PDE3B: variants seen among roughly 807,000 people sequenced by gnomAD.
PDE3B encodes cGMP-inhibited 3',5'-cyclic phosphodiesterase 3B.
Under a neutral mutation model 116.8 loss-of-function variants are expected in PDE3B, and 66 were observed. That is an observed-to-expected ratio of 0.56 (90% confidence interval 0.46 to 0.69). The LOEUF (loss-of-function observed/expected upper bound fraction) is 0.69. PDE3B is among the 30% of genes least tolerant of loss of function. The pLI, the probability that PDE3B is intolerant of heterozygous loss-of-function variation, is 0.00. For missense variants in PDE3B, 1,384 were observed against 1,368.1 expected, an observed-to-expected ratio of 1.01 and a Z score of -0.18; for synonymous variants, 595 against 533.6, an observed-to-expected ratio of 1.12 and a Z score of -1.59.
chr11:14,723,834 G>A (rs1297683665), intron 1 of PDE3B, among the ~76,000 whole-genome samples: 1 of 152,048 alleles, frequency 6.6e-6, no homozygotes, highest in Non-Finnish European at 1.5e-5. Flanking sequence ...CAAACTGAAA[G>A]AAGGGCAACA....
In PDE3B at chr11:14,861,241, A is replaced by G; in HGVS notation, c.2761A>G (p.Asn921Asp). ...DVNSNGIEWS[N>D]ENDRLLVCQV... is the part of the protein sequence containing the mutation. ...AAATAGTAATGGCATAGAATGGAGT[A>G]ATGAAAATGATCGCCTCTTGGTATG... Residue 921 changes from asparagine (N) to aspartate (D), a missense_variant, in exon 14 of 16, where the codon AAT becomes GAT. Asn to Asp is a conservative substitution (Grantham distance 23). Around this residue, in one of 2 missense-constraint regions of PDE3B, gnomAD observed 428 missense variants for 561.4 expected, o/e 0.76. Coordinates refer to ENST00000282096, the MANE Select transcript of PDE3B (RefSeq NM_000922.4). The G allele has an allele frequency of 6.2e-7, 1 of 1,613,640 alleles. No individual in the cohort carries two copies. Among genetic ancestry groups the G allele is most frequent in the Non-Finnish European group, 8.5e-7 (1 of 1,179,570 alleles).
At chr11:14,705,714 GT>G (rs1174190825) in intron 1 of PDE3B, among the ~76,000 whole-genome samples, 4 of 151,794 alleles carry the variant, frequency 2.6e-5, no homozygotes, top group Non-Finnish European at 5.9e-5. Context: ...TCAAATCCAT[GT>G]TAGTGGTTAA....
At chr11:14,780,394 A>C (rs1179593243) in intron 2 of PDE3B, among the ~76,000 whole-genome samples, 2 of 152,208 alleles carry the variant, frequency 1.3e-5, no homozygotes, top group African/African-American at 4.8e-5. Context: ...ACTTATTCCA[A>C]AATTGACCAC....
intron 2 of PDE3B, among the ~76,000 whole-genome samples, chr11:14,783,278 T>C (rs1858084105): frequency 1.3e-5 from 2 of 152,232 alleles, no homozygotes; most frequent in African/African-American, 4.8e-5. Context: ...CAAAGGATGA[T>C]AAATCATGCT....
Position 14,716,073 on chromosome 11 carries a change from C to A in PDE3B, c.979-55864C>A, listed in dbSNP as rs557509531. On this transcript the variant is annotated intron_variant, in intron 1 of 15. Transcript: ENST00000282096. ...GGCCAGTGGGTGTGCGCACCGTGCG[C>A]GAGCCGAAGCAGGGCGAGGCATTGC... Among the ~76,000 whole-genome samples, 86 of 152,142 alleles carry A rather than the reference C, an allele frequency of 5.7e-4. No homozygotes were observed. In the East Asian group the frequency reaches 0.012, roughly 21 times the overall value.
intron 7 of PDE3B, among the ~76,000 whole-genome samples, chr11:14,822,814 A>G (rs1252615994): frequency 6.6e-6 from 1 of 152,218 alleles, no homozygotes. Flanking sequence ...AATGGTCTTC[A>G]GGTCCCATGT....
intron 4 of PDE3B, among the ~76,000 whole-genome samples, chr11:14,799,873 G>A (rs1261179080): frequency 6.6e-6 from 1 of 151,504 alleles, no homozygotes; most frequent in Non-Finnish European, 1.5e-5. Flanking sequence ...GCACACTGAT[G>A]GGTCTTGACT....
intron 11 of PDE3B, among the ~76,000 whole-genome samples, chr11:14,841,613 A>G (rs1435209302): frequency 1.4e-5 from 2 of 146,980 alleles, no homozygotes; most frequent in Non-Finnish European, 3.0e-5. Flanking sequence ...AGACTGAGTA[A>G]TTTGTGAAGG....
intron 7 of PDE3B, among the ~76,000 whole-genome samples, chr11:14,820,825 G>C (rs1389571160): frequency 6.6e-6 from 1 of 152,142 alleles, no homozygotes; most frequent in Non-Finnish European, 1.5e-5. Context: ...CTGGCACCCT[G>C]ATATCAGACG....
At chr11:14,727,985 A>G (rs1862054716) in intron 1 of PDE3B, among the ~76,000 whole-genome samples, 1 of 152,084 alleles carries the variant, frequency 6.6e-6, no homozygotes, top group South Asian at 2.1e-4. Flanking sequence ...ATCGTTGAAA[A>G]GGAATGTTAG....
At chr11:14,645,103 C>T (rs770964248) in intron 1 of PDE3B, 50 bp downstream of exon 1, 2 of 1,412,484 alleles carry the variant, frequency 1.4e-6, no homozygotes, top group Non-Finnish European at 1.9e-6. Context: ...TTCGGGTTTA[C>T]CGCTGCAGTT....
chr11:14,844,007 T>A lies in PDE3B; in HGVS notation c.2501T>A (p.Val834Glu). 6.2e-7 allele frequency: 1 copy of A among 1,612,910 alleles called. No individual in the cohort carries two copies. Among genetic ancestry groups the A allele is most frequent in the Non-Finnish European group, 8.5e-7 (1 of 1,178,866 alleles). ...DHPGRTNAFLVATNAPQAVLY... is the reference protein window; with the variant it reads ...DHPGRTNAFLEATNAPQAVLY... ...CCAGGGAGGACAAATGCATTTCTAG[T>A]GGCTACAAATGCCCCTCAGGTAGGA... is the stretch of plus-strand genomic sequence containing the variant. The change falls in exon 12 of 16, where the codon GTG becomes GAG. Residue 834 changes from valine to glutamate, a missense_variant. Val to Glu is a moderately radical substitution (Grantham distance 121). This residue lies in a region of PDE3B where 428 missense variants were observed against 561.4 expected (regional missense o/e 0.76). Transcript: ENST00000282096.
At chr11:14,780,924 C>T (rs1857974166) in intron 2 of PDE3B, among the ~76,000 whole-genome samples, 1 of 151,750 alleles carries the variant, frequency 6.6e-6, no homozygotes, top group South Asian at 2.1e-4. Flanking sequence ...GCTAGCAAGA[C>T]TAATAAAGAA....
chr11:14,879,705 G>C, the PDE3B span, among the ~76,000 whole-genome samples: 658 of 152,124 alleles, frequency 4.3e-3, 32 homozygotes, highest in East Asian at 0.11. Flanking sequence ...TTATCTGGGC[G>C]TTCTATTGAA....
intron 12 of PDE3B, among the ~76,000 whole-genome samples, chr11:14,854,430 T>C (rs1219449774): frequency 6.6e-6 from 1 of 152,178 alleles, no homozygotes; most frequent in Non-Finnish European, 1.5e-5. Flanking sequence ...CTATCCACAT[T>C]TACATAGTTC....
intron 11 of PDE3B, among the ~76,000 whole-genome samples, chr11:14,835,598 C>T (rs560913020): frequency 6.6e-6 from 1 of 152,136 alleles, no homozygotes; most frequent in African/African-American, 2.4e-5. Context: ...TAATGCTATT[C>T]CTTATCATAA....
At chr11:14,797,564 A>T (rs1858596422) in intron 4 of PDE3B, among the ~76,000 whole-genome samples, 1 of 152,206 alleles carries the variant, frequency 6.6e-6, no homozygotes, top group Non-Finnish European at 1.5e-5. Context: ...ATCCATTAGC[A>T]TGGAATGTTT....
chr11:14,850,208 A>G (rs1847713585), intron 12 of PDE3B, among the ~76,000 whole-genome samples: 1 of 152,130 alleles, frequency 6.6e-6, no homozygotes, highest in Non-Finnish European at 1.5e-5. Flanking sequence ...TGAAATTGGA[A>G]ATCATCATTC....
intron 12 of PDE3B, among the ~76,000 whole-genome samples, chr11:14,845,835 T>C (rs1385295629): frequency 1.3e-5 from 2 of 152,154 alleles, no homozygotes; most frequent in Non-Finnish European, 1.5e-5. Flanking sequence ...AATATGGGAC[T>C]ATGTGAAAAG....
Sources: allele counts gnomAD v4.1 joint callset (sites outside exome capture counted in the v4.1 genomes callset), GRCh38; gene constraint gnomAD v4.1.1; regional missense constraint gnomAD v4.1.1; transcripts MANE v1.5; gene names NCBI Gene and HGNC (gene_info 2026-07-23, HGNC 2026-07-21).